The following PDE10A variants were observed in gnomAD, a reference collection of about 807,000 sequenced individuals.
The protein encoded by PDE10A is cAMP and cAMP-inhibited cGMP 3',5'-cyclic phosphodiesterase 10A.
Under a neutral mutation model 97.7 loss-of-function variants are expected in PDE10A, and 39 were observed. The ratio of observed to expected loss-of-function variants is 0.40; its 90% CI spans 0.31 to 0.52. The LOEUF (loss-of-function observed/expected upper bound fraction) is 0.52, where lower values mean the gene tolerates loss of function less well. Among genes scored for constraint, PDE10A ranks in the 20% least tolerant of loss-of-function variants. PDE10A has a pLI of 0.56. For missense variants in PDE10A, 731 were observed against 1,047.8 expected (o/e 0.70, Z 4.17); for synonymous variants, 371 against 376.8 (o/e 0.98, Z 0.18).
chr6:165,556,185 TG>T (rs1049670404), intron 1 of PDE10A, among the ~76,000 whole-genome samples: 7 of 152,238 alleles, frequency 4.6e-5, no homozygotes, highest in African/African-American at 1.7e-4. Flanking sequence ...AGGACTGGGC[TG>T]GGGGGGTCAG....
At chr6:165,688,578 G>C (rs9688563) in intron 1 of PDE10A, among the ~76,000 whole-genome samples, 2 of 152,086 alleles carry the variant, frequency 1.3e-5, no homozygotes, top group East Asian at 3.9e-4. Flanking sequence ...ATTCGCAACT[G>C]TTGGTGTGAT....
intron 1 of PDE10A, among the ~76,000 whole-genome samples, chr6:165,599,512 T>C (rs1216061006): frequency 6.6e-6 from 1 of 152,212 alleles, no homozygotes; most frequent in Non-Finnish European, 1.5e-5. Context: ...AAGGAACCCC[T>C]AGAGTCACTG....
intron 1 of PDE10A, among the ~76,000 whole-genome samples, chr6:165,612,661 G>A (rs986901792): frequency 2.0e-5 from 3 of 152,200 alleles, no homozygotes; most frequent in East Asian, 3.9e-4. Flanking sequence ...GAGCCACTGC[G>A]CCCAGCCATA....
At chr6:165,927,858 A>G (rs1354765279) in intron 1 of PDE10A, among the ~76,000 whole-genome samples, 2 of 149,552 alleles carry the variant, frequency 1.3e-5, no homozygotes, top group South Asian at 2.1e-4. Context: ...CACCATGCCC[A>G]GCTAATTTTT....
chr6:165,767,608 A>C (rs1490417997), intron 1 of PDE10A, among the ~76,000 whole-genome samples: 3 of 152,196 alleles, frequency 2.0e-5, no homozygotes, highest in Non-Finnish European at 4.4e-5. Context: ...ATGCTGTGGC[A>C]TGTGTCAGAA....
intron 1 of PDE10A, among the ~76,000 whole-genome samples, chr6:165,722,652 G>A (rs901514025): frequency 6.6e-6 from 1 of 152,180 alleles, no homozygotes; most frequent in South Asian, 2.1e-4. Context: ...AGGTGCCCAG[G>A]GGTAACTGAA....
intron 1 of PDE10A, among the ~76,000 whole-genome samples, chr6:165,985,930 G>A (rs551618173): frequency 3.0e-4 from 39 of 128,894 alleles, no homozygotes; most frequent in African/African-American, 1.1e-3. Flanking sequence ...CCCACTCCCC[G>A]TATCCTGAAG....
In PDE10A at chr6:165,332,183, A is replaced by T. The variant is rs1781378795; in HGVS notation, c.*842T>A. The T allele has an allele frequency of 6.6e-6, 1 of 152,222 alleles. No homozygotes were observed. The highest frequency in any genetic ancestry group is 2.4e-5 in the African/African-American group (1 of 41,456). 9.4% of individuals were successfully genotyped at this position (152,222 alleles called of 1,614,324 possible). On this transcript the variant is annotated 3_prime_UTR_variant, in exon 22 of 22. Coordinates refer to ENST00000539869, the MANE Select transcript of PDE10A (RefSeq NM_001385079.1). ...TATCCATAAGACTTGTCCATTAAAA[A>T]AATTACAATGCCGAGCTTTTATTTT...
In PDE10A at chr6:165,377,586, T is replaced by C. The variant is rs901962877; in HGVS notation, c.2783+1608A>G. 6.6e-5 allele frequency among the ~76,000 whole-genome samples: 10 copies of C among 152,222 alleles called. 1 individual carries two copies. Among genetic ancestry groups the C allele is most frequent in the African/African-American group, 1.9e-4 (8 of 41,464 alleles). Reference sequence around the variant, plus strand: ...ATATTATAATAATCATTGTAATCATTCTGCTGAAAAGATTATATTCAAGAG... The same window carrying C: ...ATATTATAATAATCATTGTAATCATCCTGCTGAAAAGATTATATTCAAGAG... On this transcript the variant is annotated intron_variant, in intron 18 of 21. Transcript: ENST00000539869.
intron 3 of PDE10A, among the ~76,000 whole-genome samples, chr6:165,460,580 C>T (rs1184905700): frequency 2.0e-5 from 3 of 152,186 alleles, no homozygotes; most frequent in Admixed American, 6.5e-5. Context: ...CATTTCTCTA[C>T]AGCACTGGCC....
intron 1 of PDE10A, among the ~76,000 whole-genome samples, chr6:165,668,769 T>G (rs571728547): frequency 7.8e-6 from 1 of 128,638 alleles, no homozygotes; most frequent in African/African-American, 3.0e-5. Flanking sequence ...GGAAGGAAGG[T>G]AGGAAGGGAG....
rs1554321275 is a variant in PDE10A, at chr6:165,784,231, A to AAT, written c.-615+203297_-615+203298insAT. 4.0e-5 allele frequency among the ~76,000 whole-genome samples: 6 copies of AAT among 150,270 alleles called. No individual in the cohort carries two copies. The East Asian group carries it at 5.9e-4, about 15-fold the overall frequency. ...ATGCGAGACTCCATCTCAAAAAAAA[A>AAT]AAAAGAAAAAAGAAATAAAAAGAAA... On this transcript the variant is annotated intron_variant, in intron 1 of 19. Transcript: ENST00000366882.
intron 2 of PDE10A, among the ~76,000 whole-genome samples, chr6:165,524,802 T>C (rs893006323): frequency 2.6e-5 from 4 of 152,070 alleles, no homozygotes; most frequent in South Asian, 4.1e-4. Context: ...AGTGAGGGCA[T>C]TGATTGGAAA....
At chr6:165,527,645 A>C (rs555375688) in intron 2 of PDE10A, among the ~76,000 whole-genome samples, 68 of 152,276 alleles carry the variant, frequency 4.5e-4, no homozygotes, top group African/African-American at 1.5e-3. Flanking sequence ...GTGTTTTCTG[A>C]CCCATCTAGC....
At chr6:165,395,000 C>T (rs1343756610) in intron 15 of PDE10A, among the ~76,000 whole-genome samples, 181 bp downstream of exon 15, 2 of 152,028 alleles carry the variant, frequency 1.3e-5, no homozygotes, top group Admixed American at 1.3e-4. Context: ...TCTGAAAAGG[C>T]TGCATATTTG....
At chr6:165,857,191 C>A (rs2128475931) in intron 1 of PDE10A, among the ~76,000 whole-genome samples, 1 of 152,212 alleles carries the variant, frequency 6.6e-6, no homozygotes, top group Non-Finnish European at 1.5e-5. Context: ...TTTGCCATCC[C>A]AGGAGAATTG....
At chr6:165,841,173 T>G (rs1481286176) in intron 1 of PDE10A, among the ~76,000 whole-genome samples, 1 of 152,226 alleles carries the variant, frequency 6.6e-6, no homozygotes, top group Non-Finnish European at 1.5e-5. Flanking sequence ...GTGTCATCAT[T>G]GCAAAACCCA....
At chr6:165,984,144 A>G (rs1785108166) in intron 1 of PDE10A, among the ~76,000 whole-genome samples, 1 of 152,170 alleles carries the variant, frequency 6.6e-6, no homozygotes, top group Non-Finnish European at 1.5e-5. Flanking sequence ...ATATAATAAA[A>G]TCTTTAGACA....
chr6:165,395,490 T>C (rs1786093198), intron 14 of PDE10A, among the ~76,000 whole-genome samples: 1 of 152,186 alleles, frequency 6.6e-6, no homozygotes, highest in Non-Finnish European at 1.5e-5. Context: ...ATTGATTTTC[T>C]ATTAATCTGT....
Sources: gnomAD v4.1 joint callset for allele counts (sites outside exome capture counted in the v4.1 genomes callset) on GRCh38, gnomAD v4.1.1 for gene constraint, MANE v1.5 for transcripts, NCBI Gene and HGNC (gene_info 2026-07-23, HGNC 2026-07-21) for gene names.